Variants in RIMKLB observed in about 807,000 individuals in gnomAD.
RIMKLB encodes the protein ribosomal modification protein rimK like family member B.
A neutral mutation model predicts 32.0 loss-of-function variants in RIMKLB; 7 were observed. The observed-to-expected ratio is 0.22, with a 90% CI of 0.12 to 0.41. The LOEUF is 0.41. Among genes scored for constraint, RIMKLB ranks in the 10% least tolerant of loss-of-function variants. The probability of loss-of-function intolerance (pLI) is 1.00; values close to 1 mark genes in which losing one functional copy is unlikely to be tolerated. For synonymous variants in RIMKLB, 172 were observed against 185.1 expected (o/e 0.93, Z 0.57); for missense variants, 289 against 498.7 (o/e 0.58, Z 4.00).
At chr12:8,779,703 T>G (rs1950923143), downstream of RIMKLB, 1 of 152,144 alleles carries the variant, frequency 6.6e-6, no homozygotes, top group Non-Finnish European at 1.5e-5. Flanking sequence ...TCTAGTTCAT[T>G]TACTGGAGAC....
Position 8,745,357 on chromosome 12 carries a change from A to C in RIMKLB, c.176-4505A>C, listed in dbSNP as rs1947981608. The stretch of plus-strand genomic sequence containing the variant: ...TTTTTTACTTTCATATTTTCAACTT[A>C]TATATTCCTATTTCTTTAGCTGTTC... On this transcript the variant is annotated intron_variant, in intron 2 of 5. Coordinates refer to ENST00000535829, the MANE Select transcript of RIMKLB (RefSeq NM_001297776.2). Among the ~76,000 whole-genome samples the C allele has an allele frequency of 1.3e-5, 2 of 151,082 alleles. 1 individual carries two copies. The highest frequency in any genetic ancestry group is 1.3e-4 in the Admixed American group (2 of 15,152).
chr12:8,733,445 C>T (rs775777759), intron 2 of RIMKLB, among the ~76,000 whole-genome samples: 9 of 151,894 alleles, frequency 5.9e-5, no homozygotes, highest in Non-Finnish European at 1.0e-4. Flanking sequence ...TGAATAGACA[C>T]GGAGGAGGAG....
chr12:8,685,580 G>C (rs961671508), intron 1 of RIMKLB, among the ~76,000 whole-genome samples: 1 of 148,008 alleles, frequency 6.8e-6, no homozygotes, highest in African/African-American at 2.6e-5. Context: ...ATATTTTGAG[G>C]ATTTTTACAT....
At chr12:8,680,430 A>T (rs575248651), upstream of RIMKLB, among the ~76,000 whole-genome samples, 1 of 152,198 alleles carries the variant, frequency 6.6e-6, no homozygotes, top group Non-Finnish European at 1.5e-5. Flanking sequence ...AAGTGCTGGG[A>T]TTACAGGCGT....
intron 2 of RIMKLB, among the ~76,000 whole-genome samples, chr12:8,745,711 T>A (rs898813493): frequency 3.4e-3 from 484 of 141,902 alleles, no homozygotes; most frequent in Non-Finnish European, 5.6e-3. Flanking sequence ...TTTTTTTTTT[T>A]AAACACAGAA....
rs777715959 is a variant in RIMKLB at position 8,738,712 on chromosome 12, T to C, written c.176-11150T>C. 3.3e-5 allele frequency among the ~76,000 whole-genome samples: 5 copies of C among 152,210 alleles called. No individual in the cohort carries two copies. In the East Asian group the frequency reaches 7.7e-4, roughly 23 times the overall value. ...TTCTTATTGAGAATTACAGTGTTCA[T>C]GGGGAATGGGTGGGAGGAGTGATAC... On this transcript the variant is annotated intron_variant, in intron 2 of 5. Transcript: ENST00000535829.
rs1948829292 is a variant in RIMKLB at position 8,754,111 on chromosome 12, A to T, written c.697+18A>T. On this transcript the variant is annotated intron_variant, in intron 5 of 5. Coordinates refer to ENST00000535829, the MANE Select transcript of RIMKLB (RefSeq NM_001297776.2). ...CTCATTAGGTAAAAATAATGCAATTATCTTTCTAGTATATAAAGTAACATT... is the reference window on the plus strand; with the variant it reads ...CTCATTAGGTAAAAATAATGCAATTTTCTTTCTAGTATATAAAGTAACATT... 5.1e-6 allele frequency: 8 copies of T among 1,553,862 alleles called. No homozygotes were observed. In the East Asian group the frequency reaches 1.8e-4, roughly 35 times the overall value.
chr12:8,773,745 C>T lies in RIMKLB; in HGVS notation c.1122C>T (p.Asn374=). 1.2e-6 allele frequency: 2 copies of T among 1,614,046 alleles called. No homozygotes were observed. Among genetic ancestry groups the T allele is most frequent in the Non-Finnish European group, 1.7e-6 (2 of 1,179,886 alleles). The change falls in exon 6 of 6, where the codon AAC becomes AAT. Residue 374 remains asparagine, a synonymous_variant. Coordinates refer to ENST00000535829, the MANE Select transcript of RIMKLB (RefSeq NM_001297776.2). ...TCCCAGGGGGCCTGTTCAACATGAA[C>T]CAGCTGCTAGCCAATGAAATCAAAC... ...TKLPGGLFNM[N]QLLANEIKLL...
chr12:8,676,499 A>G, the RIMKLB span, among the ~76,000 whole-genome samples: 4 of 139,460 alleles, frequency 2.9e-5, no homozygotes, highest in Non-Finnish European at 4.5e-5. Context: ...CCCGGGTTCA[A>G]GTGATTCTCC....
Position 8,774,179 on chromosome 12 carries a change from A to C in RIMKLB, c.*395A>C. ...GTAGCATAACTTCACATTGTGTTGG[A>C]AGATTTGTCATCAGTGAGGAAAACA... On this transcript the variant is annotated 3_prime_UTR_variant, in exon 6 of 6. Transcript: ENST00000535829. 1.0e-6 allele frequency: 1 copy of C among 992,450 alleles called. No homozygotes were observed. The highest frequency in any genetic ancestry group is 1.2e-6 in the Non-Finnish European group (1 of 832,472). The allele number at this position is 992,450 out of a possible 1,614,324, so 61.5% of individuals were successfully genotyped here. A position where few individuals can be genotyped will look rare whatever the true frequency, so the allele number is the denominator to read the frequency against.
At chr12:8,694,382 G>T (rs1942823771), upstream of RIMKLB, among the ~76,000 whole-genome samples, 1 of 137,020 alleles carries the variant, frequency 7.3e-6, no homozygotes, top group Admixed American at 7.2e-5. Context: ...TCAACATCCT[G>T]TTGAATTTTT....
intron 5 of RIMKLB, among the ~76,000 whole-genome samples, chr12:8,765,728 A>G (rs1368989247): frequency 1.3e-5 from 2 of 152,152 alleles, no homozygotes; most frequent in South Asian, 2.1e-4. Flanking sequence ...CCCTTTGTCT[A>G]TCTCCTTTTG....
At chr12:8,671,671 G>C in the RIMKLB span, among the ~76,000 whole-genome samples, 1 of 152,136 alleles carries the variant, frequency 6.6e-6, no homozygotes, top group African/African-American at 2.4e-5. Flanking sequence ...CCAGCACTTT[G>C]GGAGGCCCAG....
intron 5 of RIMKLB, among the ~76,000 whole-genome samples, chr12:8,771,605 G>A (rs1277991888): frequency 2.0e-5 from 3 of 152,082 alleles, no homozygotes; most frequent in East Asian, 1.9e-4. Flanking sequence ...AGATTTTATT[G>A]TTGCAGTTTA....
At chr12:8,708,841 G>A (rs1184847097) in intron 1 of RIMKLB, among the ~76,000 whole-genome samples, 1 of 152,172 alleles carries the variant, frequency 6.6e-6, no homozygotes. Context: ...TTGGTATGCT[G>A]ATCCAGAAGT....
At chr12:8,730,176 C>G (rs1946407793) in intron 2 of RIMKLB, among the ~76,000 whole-genome samples, 3 of 152,158 alleles carry the variant, frequency 2.0e-5, no homozygotes, top group Non-Finnish European at 4.4e-5. Context: ...GCCTCCAACC[C>G]CTAGGCTCAA....
upstream of RIMKLB, among the ~76,000 whole-genome samples, chr12:8,676,991 C>T (rs971818059): frequency 5.3e-5 from 8 of 152,140 alleles, no homozygotes; most frequent in African/African-American, 1.9e-4. Context: ...ATAGTCCACA[C>T]CAAGAAATCA....
intron 5 of RIMKLB, among the ~76,000 whole-genome samples, chr12:8,763,827 A>G (rs1423665144): frequency 1.3e-5 from 2 of 152,218 alleles, no homozygotes; most frequent in East Asian, 3.8e-4. Context: ...GATGGGGGCT[A>G]TCCCTGAACC....
At chr12:8,732,818 A>G (rs1257420358) in intron 2 of RIMKLB, among the ~76,000 whole-genome samples, 1 of 151,240 alleles carries the variant, frequency 6.6e-6, no homozygotes, top group South Asian at 2.1e-4. Flanking sequence ...AATCATACAC[A>G]TTGCTCTGAA....
Sources: allele counts gnomAD v4.1 joint callset (sites outside exome capture counted in the v4.1 genomes callset), GRCh38; gene constraint gnomAD v4.1.1; transcripts MANE v1.5; gene names NCBI Gene and HGNC (gene_info 2026-07-23, HGNC 2026-07-21).